The following FAM234B variants were observed in gnomAD, a reference collection of about 807,000 sequenced individuals.
FAM234B encodes the protein family with sequence similarity 234 member B, also known as protein FAM234B.
Under a neutral mutation model 69.3 loss-of-function variants are expected in FAM234B, and 33 were observed. The observed-to-expected ratio is 0.48, with a 90% CI of 0.36 to 0.64. The LOEUF is 0.64. FAM234B is among the 30% of genes least tolerant of loss of function. The pLI, the probability that FAM234B is intolerant of heterozygous loss-of-function variation, is 0.00. For synonymous variants in FAM234B, 306 were observed against 306.9 expected (o/e 1.00, Z 0.03); for missense variants, 697 against 769.7 (o/e 0.91, Z 1.12).
intron 5 of FAM234B, among the ~76,000 whole-genome samples, chr12:13,065,473 G>A (rs1865026573): frequency 1.3e-5 from 2 of 152,102 alleles, no homozygotes; most frequent in African/African-American, 4.8e-5. Flanking sequence ...TTTTGATGTA[G>A]ACTCTGTATT....
rs1865263722 is a variant in FAM234B, at chr12:13,083,315, T to C, written c.*2685T>C. The C allele has an allele frequency of 6.6e-6, 1 of 152,610 alleles. No homozygotes were observed. Among genetic ancestry groups the C allele is most frequent in the African/African-American group, 2.4e-5 (1 of 41,446 alleles). The allele number at this position is 152,610 out of a possible 1,614,324, so 9.5% of individuals were successfully genotyped here. ...TTTGCCATCCCCCAAATGTGTGGTATGGTGAAACTAATCCCCTGAATGTGA... is the reference window on the plus strand; with the variant it reads ...TTTGCCATCCCCCAAATGTGTGGTACGGTGAAACTAATCCCCTGAATGTGA... On this transcript the variant is annotated 3_prime_UTR_variant, in exon 13 of 13. Coordinates refer to ENST00000197268, the MANE Select transcript of FAM234B (RefSeq NM_020853.2).
chr12:13,064,585 C>G (rs1357805784), intron 5 of FAM234B, among the ~76,000 whole-genome samples: 1 of 152,154 alleles, frequency 6.6e-6, no homozygotes, highest in East Asian at 1.9e-4. Flanking sequence ...GTGTTGGTCT[C>G]TACTCAGTGT....
intron 3 of FAM234B, among the ~76,000 whole-genome samples, chr12:13,059,190 G>A (rs902029763): frequency 6.6e-6 from 1 of 152,160 alleles, no homozygotes; most frequent in Admixed American, 6.5e-5. Flanking sequence ...CCTCCCCGCC[G>A]GGGTCACTGC....
chr12:13,061,658 G>T lies in FAM234B; in HGVS notation c.616G>T (p.Ala206Ser), dbSNP rs779856572. 8 of 1,614,046 alleles carry T rather than the reference G, an allele frequency of 5.0e-6. No individual in the cohort carries two copies. The Admixed American group carries it at 1.2e-4, about 24-fold the overall frequency. ...GTGGTCTAGTCTTCTCCCTGAGGAG[G>T]CTCGAGATATCACATGTTTGGAGCT... ...TLWSSLLPEE[A>S]RDITCLELMP... is the part of the protein sequence containing the mutation. The change falls in exon 4 of 13, where the codon GCT (alanine) becomes TCT (serine). Residue 206 changes from alanine (A) to serine (S), a missense_variant. Coordinates refer to ENST00000197268, the MANE Select transcript of FAM234B (RefSeq NM_020853.2).
Position 13,058,533 on chromosome 12 carries a change from G to T in FAM234B, c.516G>T (p.Arg172Ser). ...RDVLLSFVMS[R>S]NGSAVGVSRP... ...TGCTTCTCTCCTTTGTGATGTCAAG[G>T]AACGGGAGTGCAGTAGGTAAGAGAC... Residue 172 changes from arginine to serine, a missense_variant, in exon 3 of 13, where the codon AGG (arginine) becomes AGT (serine). Physicochemically the swap from Arg to Ser is moderately radical, Grantham distance 110. Coordinates refer to ENST00000197268, the MANE Select transcript of FAM234B (RefSeq NM_020853.2). The T allele has an allele frequency of 1.2e-6, 2 of 1,613,166 alleles. No individual in the cohort carries two copies. The highest frequency in any genetic ancestry group is 1.7e-6 in the Non-Finnish European group (2 of 1,179,856).
chr12:13,062,787 C>G, intron 4 of FAM234B, 58 bp from the exon 5 acceptor site: 1 of 1,580,630 alleles, frequency 6.3e-7, no homozygotes, highest in African/African-American at 1.3e-5. Context: ...AACATGGCAT[C>G]TGCCTTTTCC....
intron 1 of FAM234B, among the ~76,000 whole-genome samples, chr12:13,054,161 G>C (rs1565507160): frequency 6.6e-6 from 1 of 152,154 alleles, no homozygotes; most frequent in Admixed American, 6.5e-5. Context: ...TACATTCTCA[G>C]CTTATGAAGA....
Position 13,058,323 on chromosome 12 carries a change from G to T in FAM234B, c.434-128G>T, listed in dbSNP as rs896237030. Reference sequence around the variant, plus strand: ...CCATGCACTTAGCAGGGGGAGTAGGGAGAGGTGTGTCTACTATACCTAGTC... The same window carrying T: ...CCATGCACTTAGCAGGGGGAGTAGGTAGAGGTGTGTCTACTATACCTAGTC... On this transcript the variant is annotated intron_variant, in intron 2 of 12. Coordinates refer to ENST00000197268, the MANE Select transcript of FAM234B (RefSeq NM_020853.2). 4.1e-6 allele frequency: 3 copies of T among 736,884 alleles called. No individual in the cohort carries two copies. In the African/African-American group the frequency reaches 5.2e-5, roughly 13 times the overall value. The allele number at this position is 736,884 out of a possible 1,614,324, so 45.6% of individuals were successfully genotyped here.
intron 1 of FAM234B, among the ~76,000 whole-genome samples, chr12:13,045,379 A>G (rs1864796602): frequency 6.6e-6 from 1 of 152,258 alleles, no homozygotes; most frequent in Non-Finnish European, 1.5e-5. Flanking sequence ...GCATTAAGCT[A>G]TAAACATTTA....
intron 1 of FAM234B, among the ~76,000 whole-genome samples, chr12:13,046,154 C>G (rs949373119): frequency 3.2e-5 from 3 of 95,206 alleles, no homozygotes; most frequent in South Asian, 7.4e-4. Context: ...TCACTTGCGT[C>G]TACGGCCATA....
chr12:13,058,100 TTTTG>T (rs1389837015), intron 2 of FAM234B, among the ~76,000 whole-genome samples: 1 of 152,124 alleles, frequency 6.6e-6, no homozygotes, highest in Non-Finnish European at 1.5e-5. Context: ...CTGGGGCTTT[TTTTG>T]TCTGTATCTG....
intron 1 of FAM234B, among the ~76,000 whole-genome samples, chr12:13,046,844 T>C (rs1313354933): frequency 2.0e-5 from 3 of 152,238 alleles, no homozygotes; most frequent in African/African-American, 7.2e-5. Context: ...TCAAATCCAG[T>C]CTTTACCTAA....
At chr12:13,075,725 G>C (rs1215523143) in intron 10 of FAM234B, among the ~76,000 whole-genome samples, 2 of 151,448 alleles carry the variant, frequency 1.3e-5, no homozygotes, top group Non-Finnish European at 2.9e-5. Context: ...TAAAGTGCTG[G>C]GATTACAGGC....
chr12:13,059,784 G>T (rs1389030127), intron 3 of FAM234B, among the ~76,000 whole-genome samples: 1 of 152,182 alleles, frequency 6.6e-6, no homozygotes, highest in Non-Finnish European at 1.5e-5. Context: ...GTAGATTTCC[G>T]TGCAATCAAA....
rs775052639 is a variant in FAM234B, at chr12:13,068,367, T to G, written c.1206T>G (p.Ile402Met). 1 of 1,614,198 alleles carries G rather than the reference T, an allele frequency of 6.2e-7. No individual in the cohort carries two copies. Among genetic ancestry groups the G allele is most frequent in the Non-Finnish European group, 8.5e-7 (1 of 1,180,036 alleles). Residue 402 changes from isoleucine to methionine, a missense_variant, in exon 8 of 13, where the codon ATT becomes ATG. Around this residue, in one of 3 missense-constraint regions of FAM234B, gnomAD observed 313 missense variants for 305.5 expected, o/e 1.02. Transcript: ENST00000197268. ...ATTCCAACTGCAGCAACCTTCTGAT[T>G]ACAACCAGACAAAGCCTTGTGCTGC... ...APDSNCSNLLITTRQSLVLLR... is the reference protein window; with the variant it reads ...APDSNCSNLLMTTRQSLVLLR...
chr12:13,070,172 GATATATATATATATATAT>G (rs66463903), intron 9 of FAM234B, among the ~76,000 whole-genome samples: 29,428 of 139,728 alleles, frequency 0.21, 3,996 homozygotes, highest in East Asian at 0.44. Flanking sequence ...ATTAAAAAAA[GATATATATATATATATAT>G]ATATATATAT....
intron 5 of FAM234B, 97 bp from the exon 6 acceptor site, chr12:13,066,543 C>T (rs200697502): frequency 2.2e-5 from 29 of 1,332,174 alleles, no homozygotes; most frequent in Admixed American, 1.5e-4. Flanking sequence ...TTTCTGAGCC[C>T]GTGGCTTATG....
chr12:13,053,986 A>G (rs1306340595), intron 1 of FAM234B, among the ~76,000 whole-genome samples: 2 of 152,192 alleles, frequency 1.3e-5, no homozygotes, highest in African/African-American at 4.8e-5. Flanking sequence ...GAAGAAAAAT[A>G]TGGCTCTATT....
rs750508522 is a variant in FAM234B, at chr12:13,066,795, G to A, written c.1000+8G>A. 14 of 1,610,380 alleles carry A rather than the reference G, an allele frequency of 8.7e-6. No individual in the cohort carries two copies. Among genetic ancestry groups the A allele is most frequent in the Admixed American group, 1.7e-5 (1 of 59,564 alleles). ...ACATCCTGTTTGGCTTTGGTAAGAA[G>A]CAAGGCTAGTTTTTGCTCCTGTTCC... is the stretch of plus-strand genomic sequence containing the variant. On this transcript the variant is annotated splice_region_variant and intron_variant, in intron 6 of 12. Transcript: ENST00000197268.
Sources: allele counts gnomAD v4.1 joint callset (sites outside exome capture counted in the v4.1 genomes callset), GRCh38; gene constraint gnomAD v4.1.1; regional missense constraint gnomAD v4.1.1; transcripts MANE v1.5; gene names NCBI Gene and HGNC (gene_info 2026-07-23, HGNC 2026-07-21).